The following RERG variants were observed in gnomAD, a reference collection of about 807,000 sequenced individuals.
RERG encodes RAS like estrogen regulated growth inhibitor, also known as ras-related and estrogen-regulated growth inhibitor.
RERG carries 25 observed loss-of-function variants against 23.2 expected under a neutral mutation model. The observed-to-expected ratio is 1.08, with a 90% confidence interval of 0.79 to 1.50. The LOEUF (loss-of-function observed/expected upper bound fraction) is 1.50, where lower values mean the gene tolerates loss of function less well. Among genes scored for constraint, RERG ranks in the 40% most tolerant of loss-of-function variants. The pLI, the probability that RERG is intolerant of heterozygous loss-of-function variation, is 0.00. For synonymous variants in RERG, 81 were observed against 89.1 expected, an observed-to-expected ratio of 0.91 and a Z score of 0.51; for missense variants, 253 against 250.1, an observed-to-expected ratio of 1.01 and a Z score of -0.08.
chr12:15,135,351 T>C (rs1864126483), intron 2 of RERG, among the ~76,000 whole-genome samples: 1 of 151,996 alleles, frequency 6.6e-6, no homozygotes, highest in South Asian at 2.1e-4. Context: ...ATCACATAAT[T>C]TGTGAACAAA....
intron 3 of RERG, among the ~76,000 whole-genome samples, chr12:15,116,567 G>A (rs1006530187): frequency 5.3e-5 from 8 of 152,156 alleles, no homozygotes; most frequent in African/African-American, 9.7e-5. Context: ...ACATAGCAGC[G>A]TGTGGTAGCG....
At chr12:15,159,324 T>G (rs960444474) in intron 2 of RERG, among the ~76,000 whole-genome samples, 4 of 152,224 alleles carry the variant, frequency 2.6e-5, no homozygotes, top group African/African-American at 9.6e-5. Context: ...TAGTAGTTCA[T>G]GCTTTTGCAT....
intron 2 of RERG, among the ~76,000 whole-genome samples, chr12:15,191,356 T>C (rs1002554442): frequency 2.0e-5 from 3 of 152,210 alleles, no homozygotes; most frequent in Non-Finnish European, 4.4e-5. Flanking sequence ...TATGCCTTTC[T>C]GAGACCTCTG....
At chr12:15,193,277 C>A (rs1027047562) in intron 2 of RERG, among the ~76,000 whole-genome samples, 4 of 152,088 alleles carry the variant, frequency 2.6e-5, no homozygotes, top group African/African-American at 9.7e-5. Flanking sequence ...CATTTTATCC[C>A]TTGAGTTATA....
intron 2 of RERG, among the ~76,000 whole-genome samples, chr12:15,167,840 T>A (rs1864718154): frequency 6.6e-6 from 1 of 152,166 alleles, no homozygotes; most frequent in African/African-American, 2.4e-5. Flanking sequence ...CTATTAAAAG[T>A]GAACAGTTTT....
Position 15,162,704 on chromosome 12 carries a change from C to T in RERG, c.62-41585G>A, listed in dbSNP as rs1337772098. ...TAACATGAAGAATTTTTTAAAAACA[C>T]AACCAAATAAATTTACGGTGTGGTT... On this transcript the variant is annotated intron_variant, in intron 2 of 4. Coordinates refer to ENST00000256953, the MANE Select transcript of RERG (RefSeq NM_032918.3). Among the ~76,000 whole-genome samples the T allele has an allele frequency of 3.3e-5, 5 of 152,182 alleles. No individual in the cohort carries two copies. The South Asian group carries it at 6.2e-4, about 19-fold the overall frequency.
chr12:15,141,914 G>C (rs571748617), intron 2 of RERG, among the ~76,000 whole-genome samples: 52 of 152,186 alleles, frequency 3.4e-4, no homozygotes, highest in African/African-American at 1.2e-3. Flanking sequence ...ATATATTTCA[G>C]CATTTTAAAG....
At chr12:15,174,565 TTC>T (rs140108094) in intron 2 of RERG, among the ~76,000 whole-genome samples, 10,695 of 151,912 alleles carry the variant, frequency 0.07, 502 homozygotes, top group East Asian at 0.25. Flanking sequence ...ATCATTCTGC[TTC>T]TTTCTTTCCT....
intron 2 of RERG, among the ~76,000 whole-genome samples, chr12:15,182,554 T>C (rs984108248): frequency 1.4e-4 from 22 of 152,300 alleles, no homozygotes; most frequent in African/African-American, 5.1e-4. Flanking sequence ...TCTTATTTTT[T>C]CTCATCTAAA....
intron 2 of RERG, among the ~76,000 whole-genome samples, chr12:15,130,904 GTCTGGAAAATTGACTT>G (rs1003716787): frequency 1.3e-5 from 2 of 151,980 alleles, no homozygotes; most frequent in African/African-American, 4.8e-5. Context: ...TGCATCTCAA[GTCTGGAAAATTGACTT>G]TTTTTTTTAA....
intron 2 of RERG, chr12:15,154,288 T>C (rs979835532): frequency 2.0e-5 from 3 of 152,198 alleles, no homozygotes; most frequent in African/African-American, 4.8e-5. Context: ...TTTGTTCAGA[T>C]TGCCAACCAC....
At chr12:15,198,126 C>T (rs1238136898) in intron 2 of RERG, among the ~76,000 whole-genome samples, 2 of 152,118 alleles carry the variant, frequency 1.3e-5, no homozygotes, top group African/African-American at 2.4e-5. Context: ...GCTCTATTTC[C>T]TTTTCTCTCC....
intron 2 of RERG, among the ~76,000 whole-genome samples, chr12:15,156,661 A>T (rs951701298): frequency 6.6e-6 from 1 of 152,218 alleles, no homozygotes; most frequent in Non-Finnish European, 1.5e-5. Context: ...TTTTCTTTCT[A>T]AACAAGAATG....
chr12:15,207,347 A>G (rs1292328183), intron 2 of RERG, among the ~76,000 whole-genome samples: 1 of 152,128 alleles, frequency 6.6e-6, no homozygotes, highest in African/African-American at 2.4e-5. Flanking sequence ...GCTTAAGAGG[A>G]TGAAAATGAA....
chr12:15,174,124 C>CA (rs1864813404), intron 2 of RERG, among the ~76,000 whole-genome samples: 1 of 151,944 alleles, frequency 6.6e-6, no homozygotes, highest in Non-Finnish European at 1.5e-5. Context: ...CAAATTCTCT[C>CA]AGTTTCTGTT....
At chr12:15,148,982 C>T (rs986320358) in intron 2 of RERG, among the ~76,000 whole-genome samples, 3 of 149,886 alleles carry the variant, frequency 2.0e-5, no homozygotes, top group Non-Finnish European at 4.4e-5. Context: ...CATTCTCCTG[C>T]CTCAGCCTCC....
intron 2 of RERG, among the ~76,000 whole-genome samples, chr12:15,187,737 T>C (rs1408512604): frequency 3.9e-5 from 6 of 151,910 alleles, no homozygotes; most frequent in Non-Finnish European, 7.4e-5. Context: ...TTTTGTACTT[T>C]AAGTAGAGAC....
At chr12:15,119,140 C>T (rs908765675) in intron 3 of RERG, among the ~76,000 whole-genome samples, 1 of 152,160 alleles carries the variant, frequency 6.6e-6, no homozygotes, top group Non-Finnish European at 1.5e-5. Flanking sequence ...GTATCCATTA[C>T]TCCTGAAGTC....
intron 2 of RERG, chr12:15,137,779 GTTAT>G (rs1356127622): frequency 2.4e-6 from 1 of 414,014 alleles, no homozygotes; most frequent in Non-Finnish European, 4.7e-6. Context: ...TGAACAAACT[GTTAT>G]TTGTTAGATA....
Sources: allele counts gnomAD v4.1 joint callset (sites outside exome capture counted in the v4.1 genomes callset), GRCh38; gene constraint gnomAD v4.1.1; transcripts MANE v1.5; gene names NCBI Gene and HGNC (gene_info 2026-07-23, HGNC 2026-07-21).